The following DAAM2 variants were observed in gnomAD, a reference collection of about 807,000 sequenced individuals.
DAAM2 encodes disheveled-associated activator of morphogenesis 2.
A neutral mutation model predicts 120.7 loss-of-function variants in DAAM2; 39 were observed. The ratio of observed to expected loss-of-function variants is 0.32; its 90% confidence interval spans 0.25 to 0.42. The LOEUF (loss-of-function observed/expected upper bound fraction) is 0.42, where lower values mean the gene tolerates loss of function less well. Among genes scored for constraint, DAAM2 ranks in the 10% least tolerant of loss-of-function variants. The probability of loss-of-function intolerance (pLI) is 1.00; values close to 1 mark genes in which losing one functional copy is unlikely to be tolerated. For synonymous variants in DAAM2, 488 were observed against 524.9 expected, an observed-to-expected ratio of 0.93 and a Z score of 0.96; for missense variants, 1,283 against 1,401.7, an observed-to-expected ratio of 0.92 and a Z score of 1.35.
chr6:39,855,790 C>T (rs1763975173), intron 1 of DAAM2, among the ~76,000 whole-genome samples: 1 of 152,228 alleles, frequency 6.6e-6, no homozygotes, highest in Non-Finnish European at 1.5e-5. Flanking sequence ...ACTCTTTCCT[C>T]CCCATTGGTC....
In DAAM2 at chr6:39,860,971, C is replaced by G. The variant is rs372193160; in HGVS notation, c.212C>G (p.Ala71Gly). ...LTDKNREAMF[A>G]LPPEKKWQIY... ...GACAAAAACCGAGAGGCTATGTTTG[C>G]ACTGCCCCCTGAGAAGAAATGGCAG... Residue 71 changes from alanine to glycine, a missense_variant, in exon 3 of 25, where the codon GCA becomes GGA. Transcript: ENST00000274867. 9.9e-6 allele frequency: 16 copies of G among 1,613,052 alleles called. No homozygotes were observed. The African/African-American group carries it at 2.1e-4, about 22-fold the overall frequency.
intron 1 of DAAM2, among the ~76,000 whole-genome samples, chr6:39,816,728 C>G (rs1762321100): frequency 6.6e-6 from 1 of 152,186 alleles, no homozygotes; most frequent in Admixed American, 6.5e-5. Context: ...CTCTGGATCA[C>G]CCTTGATTTC....
intron 1 of DAAM2, among the ~76,000 whole-genome samples, chr6:39,839,515 G>A (rs560555925): frequency 2.7e-4 from 41 of 152,352 alleles, no homozygotes; most frequent in African/African-American, 9.6e-4. Context: ...CTGTTCAGTG[G>A]TTCTGACCTG....
At chr6:39,897,106 C>A in intron 20 of DAAM2, 69 bp from the exon 21 acceptor site, 2 of 1,494,922 alleles carry the variant, frequency 1.3e-6, no homozygotes, top group Non-Finnish European at 9.3e-7. Flanking sequence ...AACACTCCAT[C>A]CTCTGACCCT....
intron 15 of DAAM2, chr6:39,886,750 G>T: frequency 3.1e-6 from 1 of 321,448 alleles, no homozygotes; most frequent in Non-Finnish European, 5.6e-6. Context: ...ACACAGGGTA[G>T]GCACGACACA....
In DAAM2 at chr6:39,878,116, C is replaced by A; in HGVS notation, c.1302-87C>A. 1 of 1,457,404 alleles carries A rather than the reference C, an allele frequency of 6.9e-7. No individual in the cohort carries two copies. Among genetic ancestry groups the A allele is most frequent in the Non-Finnish European group, 9.5e-7 (1 of 1,054,946 alleles). The allele number at this position is 1,457,404 out of a possible 1,614,324, so 90.3% of individuals were successfully genotyped here. A position where few individuals can be genotyped will look rare whatever the true frequency, so the allele number is the denominator to read the frequency against. The stretch of plus-strand genomic sequence containing the variant: ...GACAGATTGGAGACCAGGGTCCCCA[C>A]CTGGAGGGTAGAAAGATGATGTCTC... On this transcript the variant is annotated intron_variant, in intron 11 of 24. Transcript: ENST00000274867. This position sits in a 1 kb window ranked among gnomAD's most constrained non-coding sequence, Gnocchi z 5.0.
intron 2 of DAAM2, among the ~76,000 whole-genome samples, chr6:39,858,657 A>G (rs906613378): frequency 6.6e-6 from 1 of 152,218 alleles, no homozygotes. Flanking sequence ...ATGAATAAAC[A>G]TTACATACTT....
chr6:39,864,448 A>G lies in DAAM2; in HGVS notation c.274A>G (p.Asn92Asp), dbSNP rs751328364. The G allele has an allele frequency of 9.3e-6, 15 of 1,612,878 alleles. No individual in the cohort carries two copies. Among genetic ancestry groups the G allele is most frequent in the Non-Finnish European group, 1.2e-5 (14 of 1,179,766 alleles). The change falls in exon 4 of 25, where the codon AAC (asparagine) becomes GAC (aspartate). Residue 92 changes from asparagine (N) to aspartate (D), a missense_variant. Coordinates refer to ENST00000274867, the MANE Select transcript of DAAM2 (RefSeq NM_001201427.2). Reference protein sequence around the residue: ...CSKKKEQEDPNKLATSWPDYY... With the variant: ...CSKKKEQEDPDKLATSWPDYY... ...CTTGTTTCAGGAGCAGGAGGACCCC[A>G]ACAAGCTGGCAACCAGCTGGCCTGA...
chr6:39,827,261 C>T (rs535915845), intron 1 of DAAM2, among the ~76,000 whole-genome samples: 1 of 130,984 alleles, frequency 7.6e-6, no homozygotes, highest in African/African-American at 3.4e-5. Flanking sequence ...TCTTGGGCCT[C>T]AGTTTCTCGC....
At chr6:39,793,242 T>C (rs949800719) in intron 1 of DAAM2, 1 of 152,014 alleles carries the variant, frequency 6.6e-6, no homozygotes, top group African/African-American at 2.4e-5. Context: ...AGTGGGATGG[T>C]TGGTTCTGCC....
chr6:39,856,312 C>G lies in DAAM2; in HGVS notation c.10C>G (p.Arg4Gly), dbSNP rs189802189. Residue 4 changes from arginine (R) to glycine (G), a missense_variant, in exon 2 of 25, where the codon CGC becomes GGC. Around this residue, in one of 3 missense-constraint regions of DAAM2, gnomAD observed 197 missense variants for 189.3 expected, o/e 1.04. Coordinates refer to ENST00000274867, the MANE Select transcript of DAAM2 (RefSeq NM_001201427.2). ...CTGGCCTGCAGTGACCATGGCCCCC[C>G]GCAAGAGGAGCCACCATGGCCTGGG... The part of the protein sequence containing the change: MAP[R>G]KRSHHGLGFL... 1 of 1,535,722 alleles carries G rather than the reference C, an allele frequency of 6.5e-7. No homozygotes were observed. The highest frequency in any genetic ancestry group is 8.8e-7 in the Non-Finnish European group (1 of 1,141,266).
intron 2 of DAAM2, among the ~76,000 whole-genome samples, chr6:39,860,173 T>C (rs952728557): frequency 2.0e-5 from 3 of 152,270 alleles, no homozygotes; most frequent in South Asian, 2.1e-4. Context: ...AAAATACCTA[T>C]GGAGTTACCC....
chr6:39,898,756 A>G (rs1039199877), intron 21 of DAAM2, 121 bp from the exon 22 acceptor site: 3 of 814,566 alleles, frequency 3.7e-6, no homozygotes, highest in East Asian at 5.3e-5. Context: ...CCAGGGCTGG[A>G]ACCCAGGCTC....
intron 1 of DAAM2, among the ~76,000 whole-genome samples, chr6:39,834,705 C>T (rs1763040171): frequency 6.6e-6 from 1 of 152,152 alleles, no homozygotes; most frequent in South Asian, 2.1e-4. Flanking sequence ...GTTATATTAA[C>T]TCTATATAAG....
At chr6:39,873,447 G>A (rs1184533312) in intron 10 of DAAM2, 92 bp downstream of exon 10, 4 of 867,750 alleles carry the variant, frequency 4.6e-6, no homozygotes, top group Non-Finnish European at 7.6e-6. Flanking sequence ...CCTGGTTTGG[G>A]GAGTCTGACC....
Position 39,901,602 on chromosome 6 carries a change from A to G in DAAM2, c.2982+130A>G. The G allele has an allele frequency of 1.8e-6, 2 of 1,127,560 alleles. No individual in the cohort carries two copies. Among genetic ancestry groups the G allele is most frequent in the Non-Finnish European group, 2.5e-6 (2 of 814,928 alleles). 69.8% of individuals were successfully genotyped at this position (1,127,560 alleles called of 1,614,324 possible). On this transcript the variant is annotated intron_variant, in intron 24 of 24. Transcript: ENST00000274867. This position sits in a 1 kb window ranked among gnomAD's most constrained non-coding sequence, Gnocchi z 4.5. ...AGGAACACCATAGGGGTTGGATGTC[A>G]GCCCCAGGAGAGAGAAACTTCTTCC...
At chr6:39,801,423 C>T (rs967890273) in intron 1 of DAAM2, among the ~76,000 whole-genome samples, 2 of 152,114 alleles carry the variant, frequency 1.3e-5, no homozygotes, top group African/African-American at 4.8e-5. Context: ...GCCTTGTTGC[C>T]GACCTGCCTG....
Position 39,878,564 on chromosome 6 carries a change from G to C in DAAM2, c.1521G>C (p.Leu507=), listed in dbSNP as rs750173616. Residue 507 remains leucine, a synonymous_variant, in exon 13 of 25, where the codon CTG becomes CTC. Transcript: ENST00000274867. This position sits in a 1 kb window ranked among gnomAD's most constrained non-coding sequence, Gnocchi z 5.0. ...LRQARGQVAE[L]VAQLSELSTG... ...AGGCTCGGGGACAAGTGGCAGAGCT[G>C]GTAGCCCAGCTCAGTGAACTCTCAG... 30 of 1,607,218 alleles carry C rather than the reference G, an allele frequency of 1.9e-5. No homozygotes were observed. Among genetic ancestry groups the C allele is most frequent in the Non-Finnish European group, 2.5e-5 (30 of 1,177,106 alleles).
intron 1 of DAAM2, among the ~76,000 whole-genome samples, chr6:39,830,789 A>G (rs1366170408): frequency 6.6e-6 from 1 of 152,182 alleles, no homozygotes; most frequent in Non-Finnish European, 1.5e-5. Context: ...GCAGCTCTGC[A>G]GGCACACACC....
Sources: allele counts gnomAD v4.1 joint callset (sites outside exome capture counted in the v4.1 genomes callset), GRCh38; gene constraint gnomAD v4.1.1; regional missense constraint gnomAD v4.1.1; non-coding constraint Gnocchi (gnomAD v3.1); transcripts MANE v1.5; gene names NCBI Gene and HGNC (gene_info 2026-07-23, HGNC 2026-07-21).